KANK4: variants seen among roughly 807,000 people sequenced by gnomAD.
KANK4 encodes KN motif and ankyrin repeat domains 4, also known as KN motif and ankyrin repeat domain-containing protein 4.
In KANK4, 50 loss-of-function variants were observed where a neutral mutation model predicts 80.8. The observed-to-expected ratio is 0.62, with a 90% confidence interval of 0.49 to 0.78. KANK4 has a LOEUF of 0.78. Among genes scored for constraint, KANK4 ranks in the 30% least tolerant of loss-of-function variants. The pLI, the probability that KANK4 is intolerant of heterozygous loss-of-function variation, is 0.00. For synonymous variants in KANK4, 465 were observed against 506.9 expected (o/e 0.92, Z 1.11); for missense variants, 1,196 against 1,240.1 (o/e 0.96, Z 0.53).
intron 9 of KANK4, among the ~76,000 whole-genome samples, chr1:62,239,751 G>C (rs1671295280): frequency 1.3e-5 from 2 of 152,290 alleles, no homozygotes; most frequent in Non-Finnish European, 2.9e-5. Flanking sequence ...ACCTATGAGT[G>C]AGAACATGTG....
At chr1:62,260,808 C>T (rs1428309723) in intron 7 of KANK4, among the ~76,000 whole-genome samples, 3 of 152,254 alleles carry the variant, frequency 2.0e-5, no homozygotes, top group East Asian at 1.9e-4. Flanking sequence ...AGTTATCACA[C>T]GACTGCCTGG....
At chr1:62,254,636 C>T (rs1349410407) in intron 7 of KANK4, among the ~76,000 whole-genome samples, 1 of 150,808 alleles carries the variant, frequency 6.6e-6, no homozygotes, top group Non-Finnish European at 1.5e-5. Flanking sequence ...TCACTGCAAC[C>T]TCCGCCTCCT....
intron 1 of KANK4, among the ~76,000 whole-genome samples, chr1:62,291,476 C>CTGTT (rs1345743415): frequency 3.9e-5 from 6 of 152,342 alleles, no homozygotes; most frequent in Non-Finnish European, 7.3e-5. Context: ...GGGTCTCACT[C>CTGTT]TGTTGCCCAG....
At position 62,236,301 on chromosome 1, in the gene KANK4, C is replaced by A. The variant is rs1557459576; in HGVS notation, c.*1976G>T. ...GCAGAATCTCAGGCCCCACCCCAGA[C>A]CTACTGCCTTCTAACAAGATCCCAG... On this transcript the variant is annotated 3_prime_UTR_variant, in exon 10 of 10. Transcript: ENST00000371153. Among the ~76,000 whole-genome samples, 1 of 152,180 alleles carries A rather than the reference C, an allele frequency of 6.6e-6. No individual in the cohort carries two copies. The highest frequency in any genetic ancestry group is 2.1e-4 in the South Asian group (1 of 4,830).
intron 7 of KANK4, among the ~76,000 whole-genome samples, chr1:62,254,164 G>C (rs745721701): frequency 2.6e-5 from 4 of 151,680 alleles, no homozygotes; most frequent in Non-Finnish European, 5.9e-5. Flanking sequence ...GAAAAATGGA[G>C]GGAAAAAAAA....
At chr1:62,271,715 C>T (rs1672168198) in intron 3 of KANK4, 126 bp from the exon 4 acceptor site, 2 of 669,688 alleles carry the variant, frequency 3.0e-6, no homozygotes, top group Non-Finnish European at 5.4e-6. Context: ...GGACAGGGAA[C>T]CAGATCATGT....
At chr1:62,285,413 C>A (rs1571021815) in intron 1 of KANK4, among the ~76,000 whole-genome samples, 1 of 152,222 alleles carries the variant, frequency 6.6e-6, no homozygotes, top group South Asian at 2.1e-4. Context: ...CGCACCCTCT[C>A]CTCTCCACAC....
chr1:62,247,007 T>A (rs1671481681), intron 9 of KANK4, among the ~76,000 whole-genome samples: 1 of 151,966 alleles, frequency 6.6e-6, no homozygotes, highest in Admixed American at 6.6e-5. Flanking sequence ...GTGATCGACC[T>A]GCCTCAGCCT....
chr1:62,299,653 C>T (rs1348744043), intron 1 of KANK4, among the ~76,000 whole-genome samples: 1 of 152,188 alleles, frequency 6.6e-6, no homozygotes, highest in Admixed American at 6.5e-5. Context: ...GTCTTCTTTA[C>T]TTCTGTTTCC....
intron 4 of KANK4, among the ~76,000 whole-genome samples, chr1:62,270,564 A>C (rs1672136977): frequency 6.6e-6 from 1 of 151,834 alleles, no homozygotes; most frequent in Non-Finnish European, 1.5e-5. Context: ...TTGTATTTTT[A>C]GTAGAGATGG....
rs1671224329 is a variant in KANK4 at position 62,237,194 on chromosome 1, C to G, written c.*1083G>C. Reference sequence around the variant, plus strand: ...GCAGATTTAAGAAAGATTCAGATGACTTCACGTGAGCTACTGACCATATAA... The same window carrying G: ...GCAGATTTAAGAAAGATTCAGATGAGTTCACGTGAGCTACTGACCATATAA... On this transcript the variant is annotated 3_prime_UTR_variant, in exon 10 of 10. Transcript: ENST00000371153. 1 of 143,326 alleles carries G rather than the reference C, an allele frequency of 7.0e-6. No homozygotes were observed. The highest frequency in any genetic ancestry group is 2.6e-5 in the African/African-American group (1 of 38,520). The allele number at this position is 143,326 out of a possible 1,614,324, so 8.9% of individuals were successfully genotyped here.
chr1:62,296,272 C>G (rs1276482493), intron 1 of KANK4, among the ~76,000 whole-genome samples: 2 of 152,188 alleles, frequency 1.3e-5, no homozygotes, highest in Non-Finnish European at 2.9e-5. Flanking sequence ...TGCCGTTCCC[C>G]AACATCCTTA....
At chr1:62,241,723 G>T (rs370561933) in intron 9 of KANK4, among the ~76,000 whole-genome samples, 47 of 152,314 alleles carry the variant, frequency 3.1e-4, no homozygotes, top group African/African-American at 1.1e-3. Flanking sequence ...TTTAAGCAGG[G>T]AGTCCTGTAA....
chr1:62,255,282 T>C (rs1177652226), intron 7 of KANK4, among the ~76,000 whole-genome samples: 1 of 152,188 alleles, frequency 6.6e-6, no homozygotes, highest in African/African-American at 2.4e-5. Flanking sequence ...CCTCCCCACC[T>C]AAGGAGAGGT....
At position 62,253,073 on chromosome 1, in the gene KANK4, A is replaced by G. The variant is rs1460956226; in HGVS notation, c.2676T>C (p.Ala892=). Residue 892 remains alanine, a synonymous_variant, in exon 8 of 10, where the codon GCT becomes GCC. Coordinates refer to ENST00000371153, the MANE Select transcript of KANK4 (RefSeq NM_181712.5). ...TCCTGTTCATTCCACCCACCTGAGT[A>G]GCTTGAATGTTCACATTTCCTTCTC... The part of the protein sequence containing the change: ...LLREGNVNIQ[A]TQGGQTALML... 1.9e-6 allele frequency: 3 copies of G among 1,613,840 alleles called. No individual in the cohort carries two copies. The highest frequency in any genetic ancestry group is 2.2e-5 in the South Asian group (2 of 90,944).
intron 1 of KANK4, among the ~76,000 whole-genome samples, chr1:62,313,312 A>G (rs1267693970): frequency 6.6e-6 from 1 of 152,194 alleles, no homozygotes. Flanking sequence ...ACTGCATTTT[A>G]TGGCTTCTCA....
chr1:62,284,171 G>T (rs770603422), intron 1 of KANK4, among the ~76,000 whole-genome samples: 6 of 152,146 alleles, frequency 3.9e-5, no homozygotes, highest in Non-Finnish European at 8.8e-5. Flanking sequence ...CAGACATCGT[G>T]GAGCTTAGCT....
chr1:62,273,230 G>T lies in KANK4; in HGVS notation c.1874C>A (p.Pro625Gln). 6.6e-7 allele frequency: 1 copy of T among 1,516,862 alleles called. No individual in the cohort carries two copies. Among genetic ancestry groups the T allele is most frequent in the Non-Finnish European group, 8.8e-7 (1 of 1,132,484 alleles). 94.0% of individuals were successfully genotyped at this position (1,516,862 alleles called of 1,614,324 possible). ...CACTGGCGGGGAGGAGGAGGAGGCC[G>T]GTGGCTCCTTGGGTGGGTGAGCCTG... The part of the protein sequence containing the change: ...SAQAHPPKEP[P>Q]ASSSSPPVEI... Residue 625 changes from proline to glutamine, a missense_variant, in exon 3 of 10, where the codon CCG (proline) becomes CAG (glutamine). This residue lies in a region of KANK4 where 1,154 missense variants were observed against 1,179.6 expected (regional missense o/e 0.98). Coordinates refer to ENST00000371153, the MANE Select transcript of KANK4 (RefSeq NM_181712.5).
intron 6 of KANK4, among the ~76,000 whole-genome samples, chr1:62,266,283 G>C (rs977219712): frequency 6.6e-6 from 1 of 152,188 alleles, no homozygotes; most frequent in Non-Finnish European, 1.5e-5. Flanking sequence ...GAGGAAATGG[G>C]CCCTGGCCTG....
Sources: allele counts gnomAD v4.1 joint callset (sites outside exome capture counted in the v4.1 genomes callset), GRCh38; gene constraint gnomAD v4.1.1; regional missense constraint gnomAD v4.1.1; transcripts MANE v1.5; gene names NCBI Gene and HGNC (gene_info 2026-07-23, HGNC 2026-07-21).